The following USP34 variants were observed in gnomAD, a reference collection of about 807,000 sequenced individuals.
USP34 encodes the protein ubiquitin specific peptidase 34.
Under a neutral mutation model 460.3 loss-of-function variants are expected in USP34, and 70 were observed. That is an observed-to-expected ratio of 0.15 (90% CI 0.13 to 0.19). The LOEUF is 0.19. Ranked by LOEUF, USP34 falls within the 10% of genes least tolerant of loss-of-function variation. The pLI is 1.00. For missense variants in USP34, 3,985 were observed against 4,236.2 expected (o/e 0.94, Z 1.65); for synonymous variants, 1,647 against 1,405.3 (o/e 1.17, Z -3.85).
intron 21 of USP34, among the ~76,000 whole-genome samples, chr2:61,322,041 C>A (rs1690939497): frequency 6.6e-6 from 1 of 152,050 alleles, no homozygotes; most frequent in African/African-American, 2.4e-5. Context: ...CCAGCCTGAC[C>A]AACATGAAGA....
At chr2:61,257,987 T>C (rs1316900743) in intron 44 of USP34, among the ~76,000 whole-genome samples, 5 of 152,232 alleles carry the variant, frequency 3.3e-5, no homozygotes, top group Non-Finnish European at 7.3e-5. Flanking sequence ...TTTGTTTTAA[T>C]AGCTTTTAAA....
intron 18 of USP34, among the ~76,000 whole-genome samples, chr2:61,336,932 C>T (rs1380966488): frequency 6.6e-6 from 1 of 151,908 alleles, no homozygotes; most frequent in Non-Finnish European, 1.5e-5. Flanking sequence ...GTTAGGCCTG[C>T]AATTATTTGC....
intron 1 of USP34, among the ~76,000 whole-genome samples, chr2:61,440,470 T>C (rs1320237527): frequency 6.6e-6 from 1 of 152,078 alleles, no homozygotes; most frequent in East Asian, 1.9e-4. Flanking sequence ...GGAATTTCTC[T>C]TCATGCCTTT....
chr2:61,295,102 T>C (rs1377557816), intron 31 of USP34, 66 bp downstream of exon 31: 5 of 1,597,464 alleles, frequency 3.1e-6, no homozygotes, highest in Non-Finnish European at 2.6e-6. Context: ...GAAAAGACAA[T>C]ACATTATAGA....
intron 1 of USP34, among the ~76,000 whole-genome samples, chr2:61,437,774 A>AAAATAAATAAATGAATAAAT (rs1553391326): frequency 1.1e-4 from 15 of 134,566 alleles, no homozygotes; most frequent in African/African-American, 4.2e-4. Flanking sequence ...CTCCGTCTCA[A>AAAATAAATAAATGAATAAAT]AAATAAATAA....
At chr2:61,400,196 G>A (rs1037047865) in intron 3 of USP34, among the ~76,000 whole-genome samples, 20 of 150,414 alleles carry the variant, frequency 1.3e-4, no homozygotes, top group Admixed American at 9.4e-4. Context: ...TACAAGCTCC[G>A]CCTCCCGGGT....
chr2:61,469,729 T>A (rs1431297089), intron 1 of USP34, among the ~76,000 whole-genome samples: 1 of 152,250 alleles, frequency 6.6e-6, no homozygotes, highest in Non-Finnish European at 1.5e-5. Context: ...GTGAGCATTT[T>A]TTCAACAATC....
chr2:61,432,111 C>T (rs951367334), intron 1 of USP34, among the ~76,000 whole-genome samples: 1 of 151,396 alleles, frequency 6.6e-6, no homozygotes, highest in Non-Finnish European at 1.5e-5. Context: ...GAGGCCAAGG[C>T]AAGATTTGCT....
intron 10 of USP34, among the ~76,000 whole-genome samples, chr2:61,361,951 A>C (rs949758997): frequency 6.6e-6 from 1 of 152,088 alleles, no homozygotes; most frequent in African/African-American, 2.4e-5. Flanking sequence ...AGAAACTCAT[A>C]CAACTCAATA....
chr2:61,232,491 C>T lies in USP34; in HGVS notation c.7074G>A (p.Met2358Ile), dbSNP rs542361721. The change falls in exon 58 of 80, where the codon ATG becomes ATA. Residue 2358 changes from methionine (M) to isoleucine (I), a missense_variant. By Grantham distance (10) the Met-to-Ile change is conservative (BLOSUM62 1). Transcript: ENST00000398571. ...DRMADDDWWPMQILIKCPNQI... is the reference protein window; with the variant it reads ...DRMADDDWWPIQILIKCPNQI... The stretch of plus-strand genomic sequence containing the variant: ...GATTAGGGCACTTAATTAGTATCTG[C>T]ATTGGCCACCAGTCGTCATCAGCCA... The T allele has an allele frequency of 8.7e-6, 14 of 1,611,390 alleles. No individual in the cohort carries two copies. In the Admixed American group the frequency reaches 1.3e-4, roughly 16 times the overall value.
At chr2:61,288,269 G>C (rs1431341576) in intron 34 of USP34, among the ~76,000 whole-genome samples, 1 of 152,110 alleles carries the variant, frequency 6.6e-6, no homozygotes, top group African/African-American at 2.4e-5. Flanking sequence ...CAAGATCTAG[G>C]GGTGATAAAT....
intron 18 of USP34, among the ~76,000 whole-genome samples, chr2:61,336,921 G>C (rs913256192): frequency 1.3e-5 from 2 of 151,402 alleles, no homozygotes; most frequent in East Asian, 3.8e-4. Context: ...TCTTTTTAAC[G>C]GTTAGGCCTG....
At chr2:61,251,668 T>C (rs1293678852) in intron 48 of USP34, among the ~76,000 whole-genome samples, 1 of 152,208 alleles carries the variant, frequency 6.6e-6, no homozygotes, top group Non-Finnish European at 1.5e-5. Context: ...TCCTCAACTT[T>C]TGTGTGCTCT....
At chr2:61,376,086 C>A (rs1409851941) in intron 8 of USP34, among the ~76,000 whole-genome samples, 1 of 151,648 alleles carries the variant, frequency 6.6e-6, no homozygotes, top group African/African-American at 2.4e-5. Flanking sequence ...GGGCAAAAGA[C>A]ATCTTTTTTA....
intron 10 of USP34, 87 bp downstream of exon 10, chr2:61,370,234 A>G (rs1558554365): frequency 1.4e-6 from 2 of 1,389,474 alleles, no homozygotes; most frequent in Non-Finnish European, 2.0e-6. Flanking sequence ...TTAGCTATAA[A>G]ACAGGATAAT....
At chr2:61,456,921 C>A (rs1214347225) in intron 1 of USP34, among the ~76,000 whole-genome samples, 1 of 151,876 alleles carries the variant, frequency 6.6e-6, no homozygotes. Context: ...GTTGAGGCTG[C>A]AGTTAGCCAT....
At chr2:61,354,735 T>A (rs548678581) in intron 10 of USP34, among the ~76,000 whole-genome samples, 1 of 152,130 alleles carries the variant, frequency 6.6e-6, no homozygotes, top group Non-Finnish European at 1.5e-5. Context: ...CTATGTTGGG[T>A]TGGGCAACAT....
At chr2:61,232,857 TA>T (rs34120923) in intron 57 of USP34, among the ~76,000 whole-genome samples, 18,671 of 83,744 alleles carry the variant, frequency 0.22, 2,267 homozygotes, top group South Asian at 0.31. Flanking sequence ...TATATATATA[TA>T]TTCCCCCCCC....
chr2:61,397,272 G>A (rs1693558113), intron 3 of USP34, among the ~76,000 whole-genome samples: 1 of 151,538 alleles, frequency 6.6e-6, no homozygotes. Flanking sequence ...CTGAAACCCT[G>A]TCTCTACTAA....
Sources: gnomAD v4.1 joint callset for allele counts (sites outside exome capture counted in the v4.1 genomes callset) on GRCh38, gnomAD v4.1.1 for gene constraint, MANE v1.5 for transcripts, NCBI Gene and HGNC (gene_info 2026-07-23, HGNC 2026-07-21) for gene names.